R3HDM2: variants seen among roughly 807,000 people sequenced by gnomAD.
The protein encoded by R3HDM2 is R3H domain containing 2.
R3HDM2 carries 38 observed loss-of-function variants against 124.5 expected under a neutral mutation model. That is an observed-to-expected ratio of 0.31 (90% confidence interval 0.24 to 0.40). R3HDM2 has a LOEUF of 0.40. R3HDM2 is among the 10% of genes least tolerant of loss of function. R3HDM2 has a pLI of 1.00. For synonymous variants in R3HDM2, 391 were observed against 448.0 expected, an observed-to-expected ratio of 0.87 and a Z score of 1.61; for missense variants, 869 against 1,236.9, an observed-to-expected ratio of 0.70 and a Z score of 4.46.
chr12:57,294,154 C>T (rs2049226446), intron 10 of R3HDM2, among the ~76,000 whole-genome samples: 1 of 152,158 alleles, frequency 6.6e-6, no homozygotes, highest in South Asian at 2.1e-4. Context: ...AGAACACAGC[C>T]TAGTTCAGGG....
chr12:57,265,859 C>T lies in R3HDM2; in HGVS notation c.2131+872G>A, dbSNP rs139416804. Among the ~76,000 whole-genome samples, 858 of 148,328 alleles carry T rather than the reference C, an allele frequency of 5.8e-3. 7 individuals carry two copies. Among genetic ancestry groups the T allele is most frequent in the African/African-American group, 0.02 (815 of 40,160 alleles). ...TCGCCCAGGCTGGAGTGCAGTGGCG[C>T]GATCTCGGCTCACTGCAAGCTCCGT... On this transcript the variant is annotated intron_variant, in intron 19 of 23. Coordinates refer to ENST00000402412, the MANE Select transcript of R3HDM2 (RefSeq NM_001394031.1).
At chr12:57,424,194 A>G (rs1371814190) in intron 1 of R3HDM2, among the ~76,000 whole-genome samples, 1 of 150,732 alleles carries the variant, frequency 6.6e-6, no homozygotes, top group East Asian at 2.0e-4. Context: ...CACCTGCTAC[A>G]GTGCTACAGG....
chr12:57,283,575 C>T (rs1172167139), intron 13 of R3HDM2, among the ~76,000 whole-genome samples: 1 of 152,068 alleles, frequency 6.6e-6, no homozygotes, highest in Non-Finnish European at 1.5e-5. Context: ...CTCACCTCTA[C>T]TAAAAATACA....
At chr12:57,300,902 A>G (rs549717389) in intron 4 of R3HDM2, among the ~76,000 whole-genome samples, 1 of 152,054 alleles carries the variant, frequency 6.6e-6, no homozygotes, top group African/African-American at 2.4e-5. Context: ...CCAGGAGGTC[A>G]CAGTCTGGGC....
chr12:57,406,112 G>A (rs773706826), intron 1 of R3HDM2, among the ~76,000 whole-genome samples: 6 of 151,890 alleles, frequency 4.0e-5, no homozygotes, highest in Non-Finnish European at 8.8e-5. Flanking sequence ...ACCTGAGGTC[G>A]GGAGTTCAAA....
At chr12:57,314,350 A>T (rs1483454533) in intron 2 of R3HDM2, among the ~76,000 whole-genome samples, 1 of 152,064 alleles carries the variant, frequency 6.6e-6, no homozygotes, top group Non-Finnish European at 1.5e-5. Flanking sequence ...GTGGTGGTGC[A>T]TGCCTGCAAT....
At chr12:57,420,518 TC>T (rs760867499) in intron 1 of R3HDM2, among the ~76,000 whole-genome samples, 1 of 150,098 alleles carries the variant, frequency 6.7e-6, no homozygotes. Flanking sequence ...TTACTGGTTT[TC>T]TTTTTTTTTT....
intron 2 of R3HDM2, among the ~76,000 whole-genome samples, chr12:57,355,147 T>C (rs539311831): frequency 2.6e-5 from 4 of 151,774 alleles, no homozygotes; most frequent in Admixed American, 6.6e-5. Context: ...TAGTATACGG[T>C]TTATCCAATT....
chr12:57,421,161 CTTTTTTT>C (rs58868663), intron 1 of R3HDM2, among the ~76,000 whole-genome samples: 2 of 119,266 alleles, frequency 1.7e-5, no homozygotes, highest in Non-Finnish European at 3.4e-5. Flanking sequence ...CTAACAGATT[CTTTTTTT>C]TTTTTTTTTT....
intron 13 of R3HDM2, 51 bp from the exon 14 acceptor site, chr12:57,280,581 C>T: frequency 6.7e-7 from 1 of 1,493,268 alleles, no homozygotes; most frequent in Non-Finnish European, 9.0e-7. Context: ...GCCACGAACA[C>T]ATTATCCCTG....
At chr12:57,389,130 T>C (rs1015361766) in intron 2 of R3HDM2, among the ~76,000 whole-genome samples, 1 of 152,262 alleles carries the variant, frequency 6.6e-6, no homozygotes, top group Non-Finnish European at 1.5e-5. Flanking sequence ...AGGATAGAGA[T>C]GGGAGGAAAA....
In R3HDM2 at chr12:57,264,715, C is replaced by T. The variant is rs2041886668; in HGVS notation, c.2131+2016G>A. ...TGGCACCATCATAGATCACTGCAGC[C>T]TCAAACACCTGGGCTCAAGTGATCC... On this transcript the variant is annotated intron_variant, in intron 19 of 23. Transcript: ENST00000402412. Among the ~76,000 whole-genome samples, 3 of 151,682 alleles carry T rather than the reference C, an allele frequency of 2.0e-5. No homozygotes were observed. In the South Asian group the frequency reaches 6.2e-4, roughly 32 times the overall value.
intron 19 of R3HDM2, among the ~76,000 whole-genome samples, chr12:57,261,398 G>A (rs1293423976): frequency 6.6e-6 from 1 of 152,182 alleles, no homozygotes; most frequent in Non-Finnish European, 1.5e-5. Flanking sequence ...AGGAAAGGTG[G>A]AGAAGGGGGT....
intron 3 of R3HDM2, among the ~76,000 whole-genome samples, chr12:57,304,976 G>C (rs552225045): frequency 5.8e-4 from 88 of 152,164 alleles, no homozygotes; most frequent in Non-Finnish European, 1.1e-3. Flanking sequence ...CTGAAGTCAG[G>C]AGTTCAAGGC....
intron 2 of R3HDM2, among the ~76,000 whole-genome samples, chr12:57,321,675 A>AAACAG (rs2056471444): frequency 6.6e-6 from 1 of 151,986 alleles, no homozygotes; most frequent in South Asian, 2.1e-4. Flanking sequence ...AAACAAAACA[A>AAACAG]AAGCATGGAT....
At chr12:57,284,120 A>G (rs2046809198) in intron 12 of R3HDM2, 64 bp from the exon 13 acceptor site, 1 of 1,356,216 alleles carries the variant, frequency 7.4e-7, no homozygotes, top group Non-Finnish European at 1.0e-6. Context: ...GCTAGGAGAT[A>G]ATTCATTTCT....
chr12:57,331,009 G>T (rs1011166974), intron 2 of R3HDM2, among the ~76,000 whole-genome samples: 3 of 151,894 alleles, frequency 2.0e-5, no homozygotes, highest in African/African-American at 7.3e-5. Flanking sequence ...GAATCTTTAG[G>T]GTTTTCTATA....
At chr12:57,427,854 A>G (rs1868318588) in intron 1 of R3HDM2, among the ~76,000 whole-genome samples, 1 of 151,968 alleles carries the variant, frequency 6.6e-6, no homozygotes, top group Non-Finnish European at 1.5e-5. Context: ...TGTAATCCCT[A>G]CACTTTGGGA....
rs2047267652 is a variant in R3HDM2, at chr12:57,286,092, G to A, written c.939-2036C>T. 3.3e-5 allele frequency among the ~76,000 whole-genome samples: 5 copies of A among 152,352 alleles called. No homozygotes were observed. The South Asian group carries it at 1.0e-3, about 32-fold the overall frequency. ...AAAAATAATTAGGGAATGCTACCCA[G>A]ATTCAATTTTGAGCACTGGATCGGG... On this transcript the variant is annotated intron_variant, in intron 12 of 23. Transcript: ENST00000402412.
Sources: gnomAD v4.1 joint callset for allele counts (sites outside exome capture counted in the v4.1 genomes callset) on GRCh38, gnomAD v4.1.1 for gene constraint, MANE v1.5 for transcripts, NCBI Gene and HGNC (gene_info 2026-07-23, HGNC 2026-07-21) for gene names.